C2orf76: variants seen among roughly 807,000 people sequenced by gnomAD.
C2orf76 encodes the protein chromosome 2 open reading frame 76.
C2orf76 carries 23 observed loss-of-function variants against 16.9 expected under a neutral mutation model. That is an observed-to-expected ratio of 1.36 (90% confidence interval 0.98 to 1.93). The LOEUF (loss-of-function observed/expected upper bound fraction) is 1.93, where lower values mean the gene tolerates loss of function less well. C2orf76 is among the 30% of genes most tolerant of loss of function. The probability of loss-of-function intolerance (pLI) is 0.00; values close to 1 mark genes in which losing one functional copy is unlikely to be tolerated. For synonymous variants in C2orf76, 48 were observed against 52.3 expected (o/e 0.92, Z 0.35); for missense variants, 152 against 152.6 (o/e 1.00, Z 0.02).
At chr2:119,346,054 CAAAAA>C (rs56669262) in intron 1 of C2orf76, among the ~76,000 whole-genome samples, 1 of 73,536 alleles carries the variant, frequency 1.4e-5, no homozygotes, top group East Asian at 4.2e-4. Context: ...GACGCCATCT[CAAAAA>C]AAAAAAAAAA....
At chr2:119,333,674 G>T (rs553358358) in intron 2 of C2orf76, among the ~76,000 whole-genome samples, 1 of 152,308 alleles carries the variant, frequency 6.6e-6, no homozygotes, top group Non-Finnish European at 1.5e-5. Flanking sequence ...CACAAAAGTG[G>T]TACATATATG....
chr2:119,314,347 T>C (rs577531831), intron 4 of C2orf76, among the ~76,000 whole-genome samples: 4 of 152,280 alleles, frequency 2.6e-5, no homozygotes, highest in South Asian at 2.1e-4. Context: ...TCCTCATCTA[T>C]GGGTTTAATT....
intron 1 of C2orf76, among the ~76,000 whole-genome samples, chr2:119,363,195 C>T (rs6708149): frequency 0.17 from 26,335 of 152,002 alleles, 2,473 homozygotes; most frequent in East Asian, 0.23. Flanking sequence ...GAGGCCGAGA[C>T]GGGCGGATCA....
At chr2:119,302,646 T>C (rs1444478761) in intron 5 of C2orf76, 98 bp from the exon 6 acceptor site, 2 of 559,912 alleles carry the variant, frequency 3.6e-6, no homozygotes, top group East Asian at 3.4e-5. Flanking sequence ...TATTTCAGAA[T>C]AGCTTCAGAT....
chr2:119,317,361 AT>A, intron 4 of C2orf76, 104 bp downstream of exon 4: 1 of 779,064 alleles, frequency 1.3e-6, no homozygotes. Context: ...AAGCGCTATT[AT>A]AATGGGAAAT....
chr2:119,333,880 A>T (rs1679752694), intron 2 of C2orf76, among the ~76,000 whole-genome samples: 1 of 152,216 alleles, frequency 6.6e-6, no homozygotes, highest in African/African-American at 2.4e-5. Flanking sequence ...AGATTAATGG[A>T]GATTAGAAAG....
At chr2:119,350,332 T>G (rs1401789783) in intron 1 of C2orf76, among the ~76,000 whole-genome samples, 1 of 152,110 alleles carries the variant, frequency 6.6e-6, no homozygotes, top group Non-Finnish European at 1.5e-5. Context: ...GTAGGATACG[T>G]GTATATTTCA....
chr2:119,288,606 G>C, the C2orf76 span, among the ~76,000 whole-genome samples: 1 of 152,074 alleles, frequency 6.6e-6, no homozygotes, highest in African/African-American at 2.4e-5. Context: ...TCGAGGACAA[G>C]AGAGTTGATC....
chr2:119,313,506 G>C (rs6718588), intron 4 of C2orf76, among the ~76,000 whole-genome samples: 19,161 of 151,910 alleles, frequency 0.13, 3,985 homozygotes, highest in African/African-American at 0.44. Flanking sequence ...TGAAGCAGGA[G>C]GATATCTTGA....
intron 4 of C2orf76, among the ~76,000 whole-genome samples, chr2:119,312,798 C>T (rs891031686): frequency 3.3e-5 from 5 of 152,040 alleles, no homozygotes; most frequent in African/African-American, 1.2e-4. Flanking sequence ...CAGGCCGAGG[C>T]AGGCAGATCA....
rs755207291 is a variant in C2orf76, at chr2:119,317,492, T to A, written c.196A>T (p.Ile66Phe). ...TTTGATTTATGTGCTTGATGAATAA[T>A]CTTTAGTGCATCTGAAAGAAAAAAG... ...FRNYKYDALK[I>F]IHQAHKSKTN... Residue 66 changes from isoleucine to phenylalanine, a missense_variant, in exon 4 of 6, where the codon ATT becomes TTT. Coordinates refer to ENST00000334816, the MANE Select transcript of C2orf76 (RefSeq NM_001322331.2). 1.1e-5 allele frequency: 18 copies of A among 1,605,440 alleles called. No homozygotes were observed. The highest frequency in any genetic ancestry group is 1.7e-4 in the Middle Eastern group (1 of 6,014).
chr2:119,330,904 G>C (rs1679656874), intron 2 of C2orf76, among the ~76,000 whole-genome samples: 1 of 152,048 alleles, frequency 6.6e-6, no homozygotes, highest in Non-Finnish European at 1.5e-5. Flanking sequence ...ATCTTCCATT[G>C]CTAACATGCT....
chr2:119,317,040 T>C (rs907453389), intron 4 of C2orf76, among the ~76,000 whole-genome samples: 1 of 152,204 alleles, frequency 6.6e-6, no homozygotes, highest in Non-Finnish European at 1.5e-5. Flanking sequence ...CCTTCTCTTA[T>C]ACACAGCAAG....
At chr2:119,329,210 A>C (rs1355799921) in intron 2 of C2orf76, among the ~76,000 whole-genome samples, 1 of 152,120 alleles carries the variant, frequency 6.6e-6, no homozygotes, top group Non-Finnish European at 1.5e-5. Flanking sequence ...TTATTTTGAA[A>C]TTCTGTTGTT....
chr2:119,320,776 T>C (rs1375605739), intron 3 of C2orf76, among the ~76,000 whole-genome samples: 1 of 152,182 alleles, frequency 6.6e-6, no homozygotes, highest in Non-Finnish European at 1.5e-5. Flanking sequence ...ATCTAGCTTC[T>C]TACCTTATTA....
intron 1 of C2orf76, among the ~76,000 whole-genome samples, chr2:119,343,453 C>T (rs928167247): frequency 3.4e-5 from 5 of 144,986 alleles, no homozygotes; most frequent in South Asian, 2.2e-4. Flanking sequence ...CCCATACACA[C>T]GCATATGCAC....
intron 1 of C2orf76, among the ~76,000 whole-genome samples, chr2:119,340,640 A>G (rs1046499167): frequency 2.0e-5 from 3 of 152,122 alleles, no homozygotes; most frequent in African/African-American, 7.2e-5. Flanking sequence ...ATAACATTTT[A>G]AAGATGAGAA....
chr2:119,337,058 T>A (rs1229928759), intron 2 of C2orf76, among the ~76,000 whole-genome samples: 5 of 141,780 alleles, frequency 3.5e-5, no homozygotes, highest in African/African-American at 1.3e-4. Flanking sequence ...TTTATTTATT[T>A]ATTTATTTAT....
intron 5 of C2orf76, among the ~76,000 whole-genome samples, chr2:119,302,883 A>AT (rs1339484995): frequency 6.6e-6 from 1 of 152,206 alleles, no homozygotes; most frequent in Non-Finnish European, 1.5e-5. Flanking sequence ...GTGCTAGGAA[A>AT]TAAAAAACCT....
Sources: allele counts gnomAD v4.1 joint callset (sites outside exome capture counted in the v4.1 genomes callset), GRCh38; gene constraint gnomAD v4.1.1; transcripts MANE v1.5; gene names NCBI Gene and HGNC (gene_info 2026-07-23, HGNC 2026-07-21).